Variants in DLG5 observed in about 807,000 individuals in gnomAD.
The protein encoded by DLG5 is disks large homolog 5.
A neutral mutation model predicts 189.8 loss-of-function variants in DLG5; 48 were observed. The observed-to-expected ratio is 0.25, with a 90% CI of 0.20 to 0.32. The LOEUF is 0.32. Among genes scored for constraint, DLG5 ranks in the 10% least tolerant of loss-of-function variants. DLG5 has a pLI of 1.00. For missense variants in DLG5, 2,160 were observed against 2,544.7 expected, an observed-to-expected ratio of 0.85 and a Z score of 3.25; for synonymous variants, 1,016 against 1,054.1, an observed-to-expected ratio of 0.96 and a Z score of 0.70.
intron 20 of DLG5, among the ~76,000 whole-genome samples, chr10:77,813,323 C>T (rs1251284484): frequency 1.3e-5 from 2 of 152,194 alleles, no homozygotes; most frequent in Non-Finnish European, 2.9e-5. Flanking sequence ...CGGGGAGGCA[C>T]CTAAACCACC....
chr10:77,856,973 T>G, intron 2 of DLG5, 81 bp from the exon 3 acceptor site: 3 of 1,400,322 alleles, frequency 2.1e-6, no homozygotes, highest in Non-Finnish European at 2.9e-6. Context: ...GCTGTTGGCT[T>G]GTGTTAGCTA....
chr10:77,877,302 CT>C (rs71030913), intron 1 of DLG5, among the ~76,000 whole-genome samples: 13,640 of 146,468 alleles, frequency 0.093, 2,069 homozygotes, highest in African/African-American at 0.32. Flanking sequence ...TTTTTCTTTA[CT>C]TTTTTTTTTT....
At chr10:77,898,649 C>T (rs1007791219) in intron 1 of DLG5, among the ~76,000 whole-genome samples, 2 of 152,226 alleles carry the variant, frequency 1.3e-5, no homozygotes, top group African/African-American at 2.4e-5. Flanking sequence ...ACGAGTCACG[C>T]GGCTGGGCCC....
intron 1 of DLG5, among the ~76,000 whole-genome samples, chr10:77,884,461 T>C (rs532133181): frequency 3.0e-4 from 46 of 152,196 alleles, no homozygotes; most frequent in African/African-American, 1.1e-3. Context: ...ACGTCTGCCT[T>C]GGGCAAGTCG....
rs1246820498 is a variant in DLG5 at position 77,926,278 on chromosome 10, G to A, written c.243C>T (p.His81=). 1 of 1,587,136 alleles carries A rather than the reference G, an allele frequency of 6.3e-7. No homozygotes were observed. The highest frequency in any genetic ancestry group is 8.6e-7 in the Non-Finnish European group (1 of 1,168,780). ...CGTTCAGGTAGAGAATGGGCAGCAGGTGAGGCTGCGTCTTCTCCAGCGCCG... is the reference window on the plus strand; with the variant it reads ...CGTTCAGGTAGAGAATGGGCAGCAGATGAGGCTGCGTCTTCTCCAGCGCCG... The part of the protein sequence containing the change: ...LRAALEKTQP[H]LLPILYLNGV... The change falls in exon 1 of 32, where the codon CAC becomes CAT. Residue 81 remains histidine (H), a synonymous_variant. Transcript: ENST00000372391. This position sits in a 1 kb window ranked among gnomAD's most constrained non-coding sequence, Gnocchi z 5.2.
chr10:77,864,997 C>A (rs1844615694), intron 2 of DLG5, among the ~76,000 whole-genome samples: 1 of 152,230 alleles, frequency 6.6e-6, no homozygotes, highest in Non-Finnish European at 1.5e-5. Flanking sequence ...TACTTCCCAG[C>A]TGCATCTAGT....
chr10:77,902,926 A>T (rs566374200), intron 1 of DLG5, among the ~76,000 whole-genome samples: 1 of 152,166 alleles, frequency 6.6e-6, no homozygotes, highest in South Asian at 2.1e-4. Flanking sequence ...AGCATCCCTC[A>T]TTCTGGGCGA....
At chr10:77,882,467 T>A (rs12243083) in intron 1 of DLG5, among the ~76,000 whole-genome samples, 7,950 of 152,274 alleles carry the variant, frequency 0.052, 692 homozygotes, top group African/African-American at 0.18. Context: ...TGTCCCCGAC[T>A]CCACTGCAAA....
chr10:77,882,737 CCTCGT>C (rs1343988374), intron 1 of DLG5, among the ~76,000 whole-genome samples: 2 of 147,008 alleles, frequency 1.4e-5, no homozygotes, highest in African/African-American at 5.1e-5. Context: ...CATGGTGAAA[CCTCGT>C]CTCTACTAAA....
rs1375695835 is a variant in DLG5, at chr10:77,833,978, G to A, written c.1684C>T (p.Leu562=). ...TTGCGGGTGTCATCCAGGCTGCGCA[G>A]GGCCTCAGCCAGCTCGCTCACCGCA... ...DRAVSELAEA[L]RSLDDTRKQK... is the part of the protein sequence containing the mutation. Residue 562 remains leucine (L), a synonymous_variant, in exon 9 of 32, where the codon CTG becomes TTG. Transcript: ENST00000372391. The A allele has an allele frequency of 1.2e-5, 20 of 1,608,024 alleles. No homozygotes were observed. Among genetic ancestry groups the A allele is most frequent in the Non-Finnish European group, 1.7e-5 (20 of 1,179,976 alleles).
intron 15 of DLG5, chr10:77,820,854 G>T (rs1842309310): frequency 1.1e-5 from 6 of 543,762 alleles, no homozygotes; most frequent in Non-Finnish European, 1.9e-5. Context: ...CAAATGCTAT[G>T]CCCAATAAAG....
intron 1 of DLG5, among the ~76,000 whole-genome samples, chr10:77,883,881 G>T (rs1240766685): frequency 6.6e-6 from 1 of 151,820 alleles, no homozygotes; most frequent in Non-Finnish European, 1.5e-5. Context: ...GTATTTTTAG[G>T]AGAGACAGTG....
intron 26 of DLG5, among the ~76,000 whole-genome samples, chr10:77,806,356 G>C (rs988444511): frequency 2.0e-5 from 3 of 152,164 alleles, no homozygotes; most frequent in African/African-American, 7.2e-5. Context: ...AGGACAGTGG[G>C]ATAAGGGGCT....
At chr10:77,935,892 G>C in the DLG5 span, among the ~76,000 whole-genome samples, 1 of 152,056 alleles carries the variant, frequency 6.6e-6, no homozygotes, top group Non-Finnish European at 1.5e-5. Context: ...ACATTTAAAA[G>C]GATTTCCTTC....
chr10:77,819,723 G>A (rs1260199961), intron 16 of DLG5, 172 bp downstream of exon 16: 5 of 1,200,026 alleles, frequency 4.2e-6, no homozygotes, highest in Non-Finnish European at 5.8e-6. Context: ...GCTAAGACAT[G>A]TCATGGCTAT....
In DLG5 at chr10:77,812,029, G is replaced by A; in HGVS notation, c.4217C>T (p.Thr1406Met). 6 of 1,610,966 alleles carry A rather than the reference G, an allele frequency of 3.7e-6. No individual in the cohort carries two copies. Among genetic ancestry groups the A allele is most frequent in the African/African-American group, 1.3e-5 (1 of 75,054 alleles). The change falls in exon 22 of 32, where the codon ACG becomes ATG. Residue 1406 changes from threonine (T) to methionine (M), a missense_variant. Thr to Met is a moderately conservative substitution (Grantham distance 81). Transcript: ENST00000372391. ...EFNGINLRSA[T>M]EQQARLIIGQ... ...GATGATGAGCCGCGCCTGCTGCTCC[G>A]TGGCGCTCCGCAGGTTTATGCCGTT...
intron 1 of DLG5, among the ~76,000 whole-genome samples, chr10:77,900,044 T>C (rs76564312): frequency 0.026 from 3,971 of 152,322 alleles, 182 homozygotes; most frequent in African/African-American, 0.091. Context: ...CATTTGACTA[T>C]GTGTCAAGTT....
intron 5 of DLG5, among the ~76,000 whole-genome samples, chr10:77,849,909 G>A (rs190949269): frequency 1.3e-5 from 2 of 152,178 alleles, no homozygotes; most frequent in African/African-American, 2.4e-5. Flanking sequence ...AGTCTATGTT[G>A]CCCAGGCTGA....
chr10:77,800,466 G>A (rs967917577), intron 27 of DLG5, among the ~76,000 whole-genome samples: 5 of 151,742 alleles, frequency 3.3e-5, no homozygotes, highest in South Asian at 2.1e-4. Flanking sequence ...GAGGGCCGCC[G>A]CTGAGGGGCT....
Sources: allele counts gnomAD v4.1 joint callset (sites outside exome capture counted in the v4.1 genomes callset), GRCh38; gene constraint gnomAD v4.1.1; non-coding constraint Gnocchi (gnomAD v3.1); transcripts MANE v1.5; gene names NCBI Gene and HGNC (gene_info 2026-07-23, HGNC 2026-07-21).